Variants in NRIP1 observed in about 807,000 individuals in gnomAD.
NRIP1 encodes the protein nuclear receptor-interacting protein 1.
In NRIP1, 28 loss-of-function variants were observed where a neutral mutation model predicts 75.0. The ratio of observed to expected loss-of-function variants is 0.37; its 90% CI spans 0.28 to 0.51. NRIP1 has a LOEUF of 0.51. NRIP1 is among the 20% of genes least tolerant of loss of function. The pLI is 0.92. For missense variants in NRIP1, 1,435 were observed against 1,343.7 expected, an observed-to-expected ratio of 1.07 and a Z score of -1.06; for synonymous variants, 526 against 487.6, an observed-to-expected ratio of 1.08 and a Z score of -1.04.
rs546753317 is a variant in NRIP1 at position 15,027,490 on chromosome 21, G to A, written c.-457-13024C>T. ...CAGATTTTCTTTATTCTCCTTGTTA[G>A]AAACAAAACCAAAGGAGTATATAAA... is the stretch of plus-strand genomic sequence containing the variant. On this transcript the variant is annotated intron_variant, in intron 2 of 3. Transcript: ENST00000318948. 3.2e-4 allele frequency among the ~76,000 whole-genome samples: 48 copies of A among 152,116 alleles called. 1 individual carries two copies. In the Middle Eastern group the frequency reaches 0.01, roughly 32 times the overall value.
At chr21:15,008,216 T>C (rs962261266) in intron 3 of NRIP1, among the ~76,000 whole-genome samples, 7 of 152,086 alleles carry the variant, frequency 4.6e-5, no homozygotes, top group Non-Finnish European at 1.0e-4. Context: ...GAGCAGACTG[T>C]ACTCTCAGAA....
intron 3 of NRIP1, among the ~76,000 whole-genome samples, chr21:14,995,557 A>G (rs1033010764): frequency 3.9e-5 from 6 of 152,248 alleles, no homozygotes; most frequent in Non-Finnish European, 8.8e-5. Context: ...ACTTGCATGA[A>G]TTACAGTGTT....
intron 2 of NRIP1, among the ~76,000 whole-genome samples, chr21:15,024,602 G>C (rs1600887149): frequency 6.7e-6 from 1 of 148,640 alleles, no homozygotes; most frequent in Non-Finnish European, 1.5e-5. Flanking sequence ...GTGTGTCTGT[G>C]TGTGTGTGTC....
In NRIP1 at chr21:14,966,259, A is replaced by G. The variant is rs1481690391; in HGVS notation, c.1934T>C (p.Val645Ala). The part of the protein sequence containing the change: ...AQCGMQSSMS[V>A]EEQRPSKQLL... ...CTGTTTGCTGGGTCTCTGCTCTTCC[A>G]CTGACATGGATGACTGCATTCCACA... Residue 645 changes from valine to alanine, a missense_variant, in exon 4 of 4, where the codon GTG becomes GCG. By Grantham distance (64) the Val-to-Ala change is moderately conservative. Coordinates refer to ENST00000318948, the MANE Select transcript of NRIP1 (RefSeq NM_003489.4). 3.1e-6 allele frequency: 5 copies of G among 1,613,920 alleles called. No homozygotes were observed. The Admixed American group carries it at 5.0e-5, about 16-fold the overall frequency.
At chr21:14,993,265 C>T (rs1216536151) in intron 3 of NRIP1, among the ~76,000 whole-genome samples, 2 of 151,576 alleles carry the variant, frequency 1.3e-5, no homozygotes, top group Non-Finnish European at 2.9e-5. Flanking sequence ...GGCTGAGAAG[C>T]TTCCTATACT....
At chr21:15,036,170 G>GAA (rs535030161) in intron 2 of NRIP1, among the ~76,000 whole-genome samples, 12 of 152,030 alleles carry the variant, frequency 7.9e-5, no homozygotes, top group African/African-American at 2.7e-4. Context: ...ACCTACACTG[G>GAA]AAAAAAATGC....
chr21:15,061,042 C>G (rs999602263), intron 1 of NRIP1, among the ~76,000 whole-genome samples: 2 of 152,116 alleles, frequency 1.3e-5, no homozygotes, highest in East Asian at 1.9e-4. Flanking sequence ...CCCCCTCCCC[C>G]AAAAGTCCCT....
intron 3 of NRIP1, among the ~76,000 whole-genome samples, chr21:14,978,404 C>A (rs2146998217): frequency 6.6e-6 from 1 of 152,270 alleles, no homozygotes; most frequent in East Asian, 1.9e-4. Flanking sequence ...GAAATAGCCA[C>A]ACACTCAACC....
At chr21:15,060,962 G>C (rs151281137) in intron 1 of NRIP1, among the ~76,000 whole-genome samples, 335 of 152,062 alleles carry the variant, frequency 2.2e-3, no homozygotes, top group African/African-American at 7.4e-3. Context: ...TCAAGTCTTA[G>C]TGGCCATAGT....
Position 15,027,741 on chromosome 21 carries a change from T to C in NRIP1, c.-457-13275A>G, listed in dbSNP as rs1025601485. Among the ~76,000 whole-genome samples, 7 of 152,204 alleles carry C rather than the reference T, an allele frequency of 4.6e-5. 1 individual carries two copies. The highest frequency in any genetic ancestry group is 1.3e-4 in the Admixed American group (2 of 15,276). ...AAATAGGTAAACTGGAGTAATTCAA[T>C]ACACTTCAGGTTCTTAACAAAATGC... On this transcript the variant is annotated intron_variant, in intron 2 of 3. Coordinates refer to ENST00000318948, the MANE Select transcript of NRIP1 (RefSeq NM_003489.4).
intron 2 of NRIP1, among the ~76,000 whole-genome samples, chr21:15,030,553 C>T (rs1356305979): frequency 3.3e-5 from 5 of 152,164 alleles, no homozygotes; most frequent in Non-Finnish European, 5.9e-5. Context: ...AGGGTTTCCT[C>T]TTAATTAAGA....
At chr21:15,023,285 T>G (rs1029248837) in intron 2 of NRIP1, among the ~76,000 whole-genome samples, 2 of 152,224 alleles carry the variant, frequency 1.3e-5, no homozygotes, top group Admixed American at 1.3e-4. Context: ...TCAAAAGTAA[T>G]TTCAGGGTAA....
intron 2 of NRIP1, among the ~76,000 whole-genome samples, chr21:15,036,564 AT>A (rs1479716792): frequency 1.3e-5 from 2 of 150,250 alleles, no homozygotes; most frequent in African/African-American, 4.9e-5. Flanking sequence ...CTACCCAGAT[AT>A]ACATGATCTT....
upstream of NRIP1, chr21:15,065,043 C>T: frequency 6.5e-6 from 1 of 154,726 alleles, no homozygotes; most frequent in Non-Finnish European, 1.4e-5. Context: ...CCGCCCGCAG[C>T]CGCGCTCCTC....
rs1267905618 is a variant in NRIP1, at chr21:14,966,807, G to A, written c.1386C>T (p.Asn462=). The A allele has an allele frequency of 1.9e-6, 3 of 1,614,126 alleles. No individual in the cohort carries two copies. The highest frequency in any genetic ancestry group is 2.5e-6 in the Non-Finnish European group (3 of 1,180,008). The change falls in exon 4 of 4, where the codon AAC becomes AAT. Residue 462 remains asparagine, a synonymous_variant. Transcript: ENST00000318948. ...SESDQPVSLD[N]FTQSLLNTWD... ...AAGTGTTTAGCAAGGATTGAGTGAAGTTATCCAGGGAAACAGGTTGGTCAG... is the reference window on the plus strand; with the variant it reads ...AAGTGTTTAGCAAGGATTGAGTGAAATTATCCAGGGAAACAGGTTGGTCAG...
chr21:15,026,401 T>A (rs2088522373), intron 2 of NRIP1, among the ~76,000 whole-genome samples: 1 of 152,214 alleles, frequency 6.6e-6, no homozygotes, highest in Non-Finnish European at 1.5e-5. Flanking sequence ...GATCTGACAA[T>A]GATGTAGCTC....
chr21:15,031,788 C>T (rs1449456079), intron 2 of NRIP1, among the ~76,000 whole-genome samples: 5 of 143,234 alleles, frequency 3.5e-5, no homozygotes, highest in Admixed American at 6.9e-5. Flanking sequence ...CTCTGGAAGG[C>T]GCTCGGAGGA....
intron 3 of NRIP1, among the ~76,000 whole-genome samples, chr21:15,006,477 G>C (rs1424226745): frequency 6.6e-6 from 1 of 152,218 alleles, no homozygotes; most frequent in African/African-American, 2.4e-5. Flanking sequence ...ACAAACAGCT[G>C]TAATGCTTAA....
chr21:15,049,255 T>C (rs1167470437), intron 1 of NRIP1, among the ~76,000 whole-genome samples: 1 of 152,158 alleles, frequency 6.6e-6, no homozygotes, highest in Non-Finnish European at 1.5e-5. Context: ...TTTCATTTTT[T>C]ATAACCTAAA....
Sources: allele counts gnomAD v4.1 joint callset (sites outside exome capture counted in the v4.1 genomes callset), GRCh38; gene constraint gnomAD v4.1.1; transcripts MANE v1.5; gene names NCBI Gene and HGNC (gene_info 2026-07-23, HGNC 2026-07-21).